SMAD7: variants seen among roughly 807,000 people sequenced by gnomAD.
SMAD7 encodes SMAD family member 7.
In SMAD7, 8 loss-of-function variants were observed where a neutral mutation model predicts 38.7. That is an observed-to-expected ratio of 0.21 (90% CI 0.12 to 0.37). The LOEUF (loss-of-function observed/expected upper bound fraction) is 0.37. SMAD7 is among the 10% of genes least tolerant of loss of function. SMAD7 has a pLI of 1.00. For missense variants in SMAD7, 477 were observed against 577.9 expected (o/e 0.83, Z 1.79); for synonymous variants, 327 against 265.1 (o/e 1.23, Z -2.27).
At chr18:48,924,079 C>T (rs989140727) in intron 3 of SMAD7, among the ~76,000 whole-genome samples, 10 of 152,160 alleles carry the variant, frequency 6.6e-5, no homozygotes, top group African/African-American at 1.7e-4. Context: ...AGCCCTCTTC[C>T]GGGAGGCACA....
At chr18:48,927,582 C>T (rs2069944141) in intron 3 of SMAD7, among the ~76,000 whole-genome samples, 1 of 152,174 alleles carries the variant, frequency 6.6e-6, no homozygotes, top group African/African-American at 2.4e-5. Flanking sequence ...TCAGCTCATC[C>T]CTAAAACAGG....
At chr18:48,925,922 A>G (rs2069922434) in intron 3 of SMAD7, among the ~76,000 whole-genome samples, 1 of 151,892 alleles carries the variant, frequency 6.6e-6, no homozygotes. Flanking sequence ...AATTTTTTGT[A>G]TTTTTAGTAG....
At chr18:48,925,443 A>ACCC (rs1443202176) in intron 3 of SMAD7, among the ~76,000 whole-genome samples, 158 of 122,464 alleles carry the variant, frequency 1.3e-3, no homozygotes, top group Non-Finnish European at 2.2e-3. Context: ...CCCCCCCCCA[A>ACCC]CCTTCCCCAT....
intron 3 of SMAD7, among the ~76,000 whole-genome samples, chr18:48,928,463 A>C (rs1260381800): frequency 6.6e-6 from 1 of 151,318 alleles, no homozygotes; most frequent in Non-Finnish European, 1.5e-5. Context: ...TTTTTCTTTA[A>C]TTTCAGAGTC....
intron 2 of SMAD7, among the ~76,000 whole-genome samples, chr18:48,945,449 A>G (rs1481193527): frequency 6.6e-6 from 1 of 152,092 alleles, no homozygotes; most frequent in African/African-American, 2.4e-5. Context: ...GCACAGAATG[A>G]GACTGTCTCG....
At chr18:48,942,301 G>A (rs1394949758) in intron 3 of SMAD7, among the ~76,000 whole-genome samples, 180 bp downstream of exon 3, 1 of 152,206 alleles carries the variant, frequency 6.6e-6, no homozygotes. Context: ...GTAAAGGACT[G>A]CAGGATGAGG....
Position 48,948,423 on chromosome 18 carries a change from GA to G in SMAD7, c.627del (p.Pro210LeufsTer114), listed in dbSNP as rs1568306604. On this transcript the variant is annotated frameshift_variant, in exon 2 of 4. Coordinates refer to ENST00000262158, the MANE Select transcript of SMAD7 (RefSeq NM_005904.4). LOFTEE classifies it high-confidence loss of function. ...AAATCCATCGGGTATCTGGAGTAAGGAGGGGGGGGAGACTCTGAAATTAAAA... is the reference window on the plus strand; with the variant it reads ...AAATCCATCGGGTATCTGGAGTAAGGGGGGGGGGAGACTCTGAAATTAAAA... ...SRLCELESPPPPYSRYPMDFL... is the reference protein window; with the variant it reads ...SRLCELESPPXPYSRYPMDFL... 1.3e-6 allele frequency: 2 copies of G among 1,597,278 alleles called. No homozygotes were observed. Among genetic ancestry groups the G allele is most frequent in the South Asian group, 1.1e-5 (1 of 87,882 alleles).
rs574670622 is a variant in SMAD7, at chr18:48,931,985, C to A, written c.743-10075G>T. 5.9e-5 allele frequency among the ~76,000 whole-genome samples: 9 copies of A among 152,202 alleles called. No homozygotes were observed. In the South Asian group the frequency reaches 1.7e-3, roughly 28 times the overall value. ...GGCTCTTCCCCAGAAAACAGCCCCC[C>A]CAGCAGGGTTTTGATTGTGCCCCCA... On this transcript the variant is annotated intron_variant, in intron 3 of 3. Coordinates refer to ENST00000262158, the MANE Select transcript of SMAD7 (RefSeq NM_005904.4).
intron 3 of SMAD7, among the ~76,000 whole-genome samples, chr18:48,936,186 A>C (rs2070064294): frequency 6.6e-6 from 1 of 151,176 alleles, no homozygotes; most frequent in South Asian, 2.1e-4. Context: ...TGTACTTCCC[A>C]TGTGACCTCA....
chr18:48,930,095 C>G (rs947786046), intron 3 of SMAD7: 2 of 152,316 alleles, frequency 1.3e-5, no homozygotes, highest in African/African-American at 4.8e-5. Flanking sequence ...TCCCTGGCCC[C>G]CCTCCCCGTG....
chr18:48,938,253 G>C (rs1413592507), intron 3 of SMAD7, among the ~76,000 whole-genome samples: 1 of 152,184 alleles, frequency 6.6e-6, no homozygotes, highest in African/African-American at 2.4e-5. Context: ...GATGCTGAAT[G>C]GATACTGACT....
At chr18:48,924,850 C>T (rs147869292) in intron 3 of SMAD7, among the ~76,000 whole-genome samples, 381 of 152,362 alleles carry the variant, frequency 2.5e-3, no homozygotes, top group African/African-American at 7.6e-3. Context: ...GCCCCTCGAA[C>T]ACACACCCTT....
In SMAD7 at chr18:48,921,947, A is replaced by C; in HGVS notation, c.743-37T>G. ...ATTGGCAGAGAGGGTTAGTGGGGAC[A>C]GGCATTGGTGACTCCTAGAATGAAG... On this transcript the variant is annotated intron_variant, in intron 3 of 3. Coordinates refer to ENST00000262158, the MANE Select transcript of SMAD7 (RefSeq NM_005904.4). The surrounding 1 kb of genome is among the most constrained non-coding windows in gnomAD (Gnocchi z 6.4). 1 of 1,530,230 alleles carries C rather than the reference A, an allele frequency of 6.5e-7. No individual in the cohort carries two copies. 94.8% of individuals were successfully genotyped at this position (1,530,230 alleles called of 1,614,324 possible). A position where few individuals can be genotyped will look rare whatever the true frequency, so the allele number is the denominator to read the frequency against.
At chr18:48,946,315 A>G (rs1319698147) in intron 2 of SMAD7, among the ~76,000 whole-genome samples, 1 of 152,010 alleles carries the variant, frequency 6.6e-6, no homozygotes, top group Non-Finnish European at 1.5e-5. Context: ...CGGGCCAAAC[A>G]TTCTCCCATA....
At chr18:48,937,238 A>G (rs1338142103) in intron 3 of SMAD7, among the ~76,000 whole-genome samples, 1 of 150,080 alleles carries the variant, frequency 6.7e-6, no homozygotes, top group Non-Finnish European at 1.5e-5. Context: ...CTACGCAGCT[A>G]CAGTCAGGCT....
rs775583726 is a variant in SMAD7 at position 48,921,369 on chromosome 18, C to G, written c.*3G>C. 3.7e-6 allele frequency: 6 copies of G among 1,606,950 alleles called. No individual in the cohort carries two copies. Among genetic ancestry groups the G allele is most frequent in the Non-Finnish European group, 4.3e-6 (5 of 1,174,592 alleles). ...GCTCACGCTCTGTCCCCTCCGCACGCGGCTACCGGCTGTTGAAGATGACCT... is the reference window on the plus strand; with the variant it reads ...GCTCACGCTCTGTCCCCTCCGCACGGGGCTACCGGCTGTTGAAGATGACCT... On this transcript the variant is annotated 3_prime_UTR_variant, in exon 4 of 4. Coordinates refer to ENST00000262158, the MANE Select transcript of SMAD7 (RefSeq NM_005904.4). The surrounding 1 kb of genome is among the most constrained non-coding windows in gnomAD (Gnocchi z 6.4).
chr18:48,946,681 C>G (rs1201309432), intron 2 of SMAD7, among the ~76,000 whole-genome samples: 2 of 152,140 alleles, frequency 1.3e-5, no homozygotes, highest in Non-Finnish European at 2.9e-5. Context: ...ATGGCACATT[C>G]CTGTCTTTGT....
At chr18:48,940,653 G>A (rs540059082) in intron 3 of SMAD7, among the ~76,000 whole-genome samples, 3 of 152,168 alleles carry the variant, frequency 2.0e-5, no homozygotes, top group African/African-American at 4.8e-5. Context: ...TTGGGAGGCT[G>A]AGGCAGGAGA....
intron 3 of SMAD7, among the ~76,000 whole-genome samples, chr18:48,923,849 G>C (rs1013062462): frequency 6.6e-6 from 1 of 152,182 alleles, no homozygotes; most frequent in African/African-American, 2.4e-5. Context: ...GTGCACATAC[G>C]TACTGGAACA....
Sources: gnomAD v4.1 joint callset for allele counts (sites outside exome capture counted in the v4.1 genomes callset) on GRCh38, gnomAD v4.1.1 for gene constraint, Gnocchi (gnomAD v3.1) non-coding constraint, MANE v1.5 for transcripts, NCBI Gene and HGNC (gene_info 2026-07-23, HGNC 2026-07-21) for gene names.